Variants in XKR4 observed in about 807,000 individuals in gnomAD.
XKR4 encodes the protein XK-related protein 4.
In XKR4, 12 loss-of-function variants were observed where a neutral mutation model predicts 53.9. That is an observed-to-expected ratio of 0.22 (90% confidence interval 0.14 to 0.36). The LOEUF (loss-of-function observed/expected upper bound fraction) is 0.36, where lower values mean the gene tolerates loss of function less well. XKR4 is among the 10% of genes least tolerant of loss of function. XKR4 has a pLI of 1.00. For synonymous variants in XKR4, 354 were observed against 362.4 expected (o/e 0.98, Z 0.26); for missense variants, 799 against 859.5 (o/e 0.93, Z 0.88).
At chr8:55,192,552 GA>G (rs1323234210) in intron 1 of XKR4, among the ~76,000 whole-genome samples, 1 of 152,116 alleles carries the variant, frequency 6.6e-6, no homozygotes, top group Non-Finnish European at 1.5e-5. Flanking sequence ...CTGAAATACA[GA>G]GCCATGTGAA....
intron 2 of XKR4, among the ~76,000 whole-genome samples, chr8:55,512,264 C>G (rs568194343): frequency 6.6e-6 from 1 of 152,378 alleles, no homozygotes; most frequent in East Asian, 1.9e-4. Flanking sequence ...ACTCTGCCCA[C>G]TCAGGGATCG....
intron 2 of XKR4, among the ~76,000 whole-genome samples, chr8:55,491,766 G>A (rs570422630): frequency 1.8e-4 from 27 of 152,134 alleles, no homozygotes; most frequent in Admixed American, 1.2e-3. Context: ...GAGTAGCTAG[G>A]ATTACGGGCA....
At chr8:55,132,141 G>C (rs1321811401) in intron 1 of XKR4, among the ~76,000 whole-genome samples, 1 of 152,220 alleles carries the variant, frequency 6.6e-6, no homozygotes, top group African/African-American at 2.4e-5. Context: ...AATTTATTGA[G>C]CTTGTATCAT....
intron 1 of XKR4, among the ~76,000 whole-genome samples, chr8:55,328,884 C>A (rs769571169): frequency 6.6e-6 from 1 of 152,160 alleles, no homozygotes; most frequent in Admixed American, 6.5e-5. Context: ...TTACCACCAA[C>A]ACCCACCATG....
chr8:55,441,453 A>G (rs1398652251), intron 2 of XKR4, among the ~76,000 whole-genome samples: 1 of 152,222 alleles, frequency 6.6e-6, no homozygotes, highest in African/African-American at 2.4e-5. Context: ...AGATTAGTAG[A>G]TAAAAATGAG....
intron 1 of XKR4, among the ~76,000 whole-genome samples, chr8:55,124,066 G>A (rs543210566): frequency 6.6e-6 from 1 of 152,016 alleles, no homozygotes; most frequent in Non-Finnish European, 1.5e-5. Context: ...CTTAAATGTG[G>A]CCCATACCCT....
At chr8:55,250,484 G>T (rs1006902856) in intron 1 of XKR4, among the ~76,000 whole-genome samples, 1 of 152,148 alleles carries the variant, frequency 6.6e-6, no homozygotes, top group African/African-American at 2.4e-5. Flanking sequence ...GGCTTCATAA[G>T]AGGCTTTTCT....
At chr8:55,422,682 T>G (rs6473986) in intron 2 of XKR4, among the ~76,000 whole-genome samples, 20,914 of 152,148 alleles carry the variant, frequency 0.14, 3,084 homozygotes, top group African/African-American at 0.37. Context: ...TATTAACGCC[T>G]CAGACTTTGG....
intron 1 of XKR4, among the ~76,000 whole-genome samples, chr8:55,337,032 T>C (rs915268670): frequency 2.0e-5 from 3 of 152,214 alleles, no homozygotes; most frequent in Admixed American, 1.3e-4. Context: ...CTTTAAATAT[T>C]ACGCTTTATA....
rs1484117665 is a variant in XKR4, at chr8:55,195,396, G to A, written c.806+92102G>A. On this transcript the variant is annotated intron_variant, in intron 1 of 2. Transcript: ENST00000327381. ...CCTTTTATTTCAGGCAAGTATAATT[G>A]CATGATCAATTAGTTTTTTAAATAA... 2.8e-5 allele frequency among the ~76,000 whole-genome samples: 3 copies of A among 107,710 alleles called. 1 individual carries two copies. The highest frequency in any genetic ancestry group is 6.5e-5 in the Non-Finnish European group (3 of 46,298). The allele number at this position is 107,710 out of a possible 152,430, so 70.7% of individuals were successfully genotyped here.
intron 1 of XKR4, among the ~76,000 whole-genome samples, chr8:55,325,848 A>G (rs1364584790): frequency 6.6e-6 from 1 of 152,230 alleles, no homozygotes; most frequent in Non-Finnish European, 1.5e-5. Flanking sequence ...ATTTTTACAA[A>G]AGAATAAGAC....
At chr8:55,112,262 G>T (rs1420785693) in intron 1 of XKR4, among the ~76,000 whole-genome samples, 1 of 152,100 alleles carries the variant, frequency 6.6e-6, no homozygotes, top group Non-Finnish European at 1.5e-5. Flanking sequence ...CCCTGTTGGG[G>T]AATCCTTTTA....
chr8:55,313,555 A>G (rs1586005306), intron 1 of XKR4, among the ~76,000 whole-genome samples: 1 of 152,130 alleles, frequency 6.6e-6, no homozygotes, highest in Non-Finnish European at 1.5e-5. Context: ...AGAGCAGGGT[A>G]CTCTGGAAGC....
intron 1 of XKR4, among the ~76,000 whole-genome samples, chr8:55,161,941 C>CAGCAAA (rs1816991902): frequency 6.6e-6 from 1 of 152,216 alleles, no homozygotes; most frequent in South Asian, 2.1e-4. Flanking sequence ...TTTGCTACCA[C>CAGCAAA]CACAGGCCTT....
intron 1 of XKR4, among the ~76,000 whole-genome samples, chr8:55,149,600 C>T (rs930736786): frequency 2.0e-5 from 3 of 152,166 alleles, no homozygotes; most frequent in Admixed American, 6.5e-5. Flanking sequence ...ACAGGGTGAT[C>T]GTTCTCAGAA....
chr8:55,200,488 T>G (rs1014405558), intron 1 of XKR4, among the ~76,000 whole-genome samples: 1 of 152,256 alleles, frequency 6.6e-6, no homozygotes, highest in Non-Finnish European at 1.5e-5. Flanking sequence ...ATCCTACAAT[T>G]TATACTTCAT....
chr8:55,367,946 T>A (rs952264898), intron 2 of XKR4, among the ~76,000 whole-genome samples: 10 of 151,962 alleles, frequency 6.6e-5, no homozygotes, highest in Non-Finnish European at 1.2e-4. Context: ...CGATGCGTTT[T>A]GTTTTGTTTT....
intron 2 of XKR4, among the ~76,000 whole-genome samples, chr8:55,378,195 C>A (rs531832249): frequency 6.6e-6 from 1 of 152,216 alleles, no homozygotes; most frequent in East Asian, 1.9e-4. Flanking sequence ...TTTAGAGAAA[C>A]AAAGAATTCC....
chr8:55,521,382 T>C (rs200516673), intron 2 of XKR4, among the ~76,000 whole-genome samples: 1 of 152,230 alleles, frequency 6.6e-6, no homozygotes, highest in Non-Finnish European at 1.5e-5. Flanking sequence ...TTTGTCATTT[T>C]TTAAACTTTT....
Sources: allele counts gnomAD v4.1 joint callset (sites outside exome capture counted in the v4.1 genomes callset), GRCh38; gene constraint gnomAD v4.1.1; transcripts MANE v1.5; gene names NCBI Gene and HGNC (gene_info 2026-07-23, HGNC 2026-07-21).